The following CDH18 variants were observed in gnomAD, a reference collection of about 807,000 sequenced individuals.
The protein encoded by CDH18 is cadherin-18.
A neutral mutation model predicts 67.9 loss-of-function variants in CDH18; 31 were observed. The observed-to-expected ratio is 0.46, with a 90% CI of 0.34 to 0.62. The LOEUF is 0.62. CDH18 is among the 20% of genes least tolerant of loss of function. CDH18 has a pLI of 0.01. For synonymous variants in CDH18, 362 were observed against 347.2 expected (o/e 1.04, Z -0.48); for missense variants, 890 against 975.5 (o/e 0.91, Z 1.17).
chr5:20,295,105 T>C (rs986466381), intron 1 of CDH18, among the ~76,000 whole-genome samples: 8 of 152,148 alleles, frequency 5.3e-5, no homozygotes, highest in Non-Finnish European at 1.0e-4. Flanking sequence ...CTCCACTGTT[T>C]TAAGATAAAA....
At chr5:19,742,512 G>A (rs1029254414) in intron 4 of CDH18, among the ~76,000 whole-genome samples, 2 of 151,796 alleles carry the variant, frequency 1.3e-5, no homozygotes, top group African/African-American at 4.8e-5. Context: ...TTTTCTAACA[G>A]ATAAATCACC....
At chr5:20,440,141 A>G (rs1406120518) in intron 1 of CDH18, among the ~76,000 whole-genome samples, 2 of 151,904 alleles carry the variant, frequency 1.3e-5, no homozygotes, top group African/African-American at 4.9e-5. Flanking sequence ...TCTGAAGGAT[A>G]TTCATTCAAC....
At chr5:20,426,052 C>T (rs1748279148) in intron 1 of CDH18, among the ~76,000 whole-genome samples, 1 of 151,110 alleles carries the variant, frequency 6.6e-6, no homozygotes, top group Non-Finnish European at 1.5e-5. Context: ...TAATTTTCAT[C>T]AAATATTAGG....
chr5:20,200,915 A>C (rs1739398987), intron 2 of CDH18, among the ~76,000 whole-genome samples: 1 of 152,076 alleles, frequency 6.6e-6, no homozygotes, highest in Non-Finnish European at 1.5e-5. Flanking sequence ...TCAACTAAAA[A>C]ATCACTCCTT....
At chr5:19,680,754 G>A (rs1561028319) in intron 5 of CDH18, among the ~76,000 whole-genome samples, 1 of 151,736 alleles carries the variant, frequency 6.6e-6, no homozygotes, top group Non-Finnish European at 1.5e-5. Flanking sequence ...AAATTACAAA[G>A]TCTAAAAATA....
intron 1 of CDH18, among the ~76,000 whole-genome samples, chr5:20,392,321 T>C (rs1366951503): frequency 1.3e-5 from 2 of 151,800 alleles, no homozygotes; most frequent in African/African-American, 2.4e-5. Context: ...GATTTAACAA[T>C]GTCAAACAAG....
intron 8 of CDH18, among the ~76,000 whole-genome samples, chr5:19,563,428 A>C (rs1739801978): frequency 1.3e-5 from 2 of 152,180 alleles, no homozygotes; most frequent in Admixed American, 6.5e-5. Context: ...GAAGACAATG[A>C]ATGGTAACAA....
intron 2 of CDH18, among the ~76,000 whole-genome samples, chr5:20,117,154 CG>C (rs1747993947): frequency 6.6e-6 from 1 of 151,944 alleles, no homozygotes; most frequent in Non-Finnish European, 1.5e-5. Flanking sequence ...AATTTATATT[CG>C]TAAAGTTTAA....
chr5:19,805,640 A>G (rs1777962297), intron 3 of CDH18, among the ~76,000 whole-genome samples: 1 of 152,042 alleles, frequency 6.6e-6, no homozygotes, highest in African/African-American at 2.4e-5. Flanking sequence ...CATCACTCTC[A>G]TGCCCTTTAC....
intron 2 of CDH18, among the ~76,000 whole-genome samples, chr5:20,230,094 C>T (rs1386475039): frequency 2.0e-5 from 3 of 152,030 alleles, no homozygotes; most frequent in East Asian, 1.9e-4. Context: ...TAAACTCATT[C>T]GACACTATAG....
At chr5:19,661,026 C>A (rs1757090888) in intron 5 of CDH18, among the ~76,000 whole-genome samples, 1 of 150,826 alleles carries the variant, frequency 6.6e-6, no homozygotes, top group African/African-American at 2.4e-5. Context: ...AGTGGGAAGA[C>A]AAAAACCAAC....
intron 2 of CDH18, among the ~76,000 whole-genome samples, chr5:20,109,255 T>C (rs564359968): frequency 1.3e-5 from 2 of 152,322 alleles, no homozygotes; most frequent in South Asian, 4.1e-4. Context: ...AGTTTAGAAG[T>C]AGACATCCTT....
rs189630342 is a variant in CDH18 at position 19,727,331 on chromosome 5, A to G, written c.524-5865T>C. ...GGGCCTCTAATCTACATTGACTGGC[A>G]TCCTTATAAAAATGAAAAATGTGGA... On this transcript the variant is annotated intron_variant, in intron 4 of 12. Transcript: ENST00000382275. 1.9e-3 allele frequency among the ~76,000 whole-genome samples: 288 copies of G among 152,292 alleles called. 1 individual carries two copies. The highest frequency in any genetic ancestry group is 0.01 in the Middle Eastern group (3 of 294).
At chr5:19,514,675 C>T (rs901514604) in intron 10 of CDH18, among the ~76,000 whole-genome samples, 1 of 152,092 alleles carries the variant, frequency 6.6e-6, no homozygotes, top group Non-Finnish European at 1.5e-5. Context: ...TATCCTTTGC[C>T]CACTTTTTGA....
At chr5:19,951,623 A>G (rs899588087) in intron 2 of CDH18, among the ~76,000 whole-genome samples, 4 of 152,146 alleles carry the variant, frequency 2.6e-5, no homozygotes, top group African/African-American at 9.7e-5. Flanking sequence ...TATAGAGTAT[A>G]GAACTCTGGG....
intron 1 of CDH18, among the ~76,000 whole-genome samples, chr5:20,464,914 G>C (rs1751535259): frequency 6.6e-6 from 1 of 152,102 alleles, no homozygotes; most frequent in South Asian, 2.1e-4. Flanking sequence ...AAAACTCACA[G>C]ACATGAACAG....
intron 2 of CDH18, among the ~76,000 whole-genome samples, chr5:19,959,789 G>C (rs906342865): frequency 1.3e-5 from 2 of 152,030 alleles, no homozygotes; most frequent in African/African-American, 4.8e-5. Flanking sequence ...TCACAGATTT[G>C]TGCTTACACA....
At chr5:20,483,226 T>A (rs550707060) in intron 1 of CDH18, among the ~76,000 whole-genome samples, 43 of 151,972 alleles carry the variant, frequency 2.8e-4, no homozygotes, top group African/African-American at 1.0e-3. Flanking sequence ...GTGAGAGATA[T>A]TTAAAATAAA....
chr5:19,590,291 G>C (rs1744880652), intron 7 of CDH18, among the ~76,000 whole-genome samples: 1 of 152,076 alleles, frequency 6.6e-6, no homozygotes, highest in Non-Finnish European at 1.5e-5. Flanking sequence ...TATTTTATAT[G>C]TACCAGTGGT....
Sources: allele counts gnomAD v4.1 joint callset (sites outside exome capture counted in the v4.1 genomes callset), GRCh38; gene constraint gnomAD v4.1.1; transcripts MANE v1.5; gene names NCBI Gene and HGNC (gene_info 2026-07-23, HGNC 2026-07-21).